FANCL: variants seen among roughly 807,000 people sequenced by gnomAD.
FANCL encodes E3 ubiquitin-protein ligase FANCL.
Under a neutral mutation model 59.4 loss-of-function variants are expected in FANCL, and 69 were observed. The observed-to-expected ratio is 1.16, with a 90% CI of 0.96 to 1.42. The LOEUF is 1.42. Among genes scored for constraint, FANCL ranks in the 40% most tolerant of loss-of-function variants. The probability of loss-of-function intolerance (pLI) is 0.00; values close to 1 mark genes in which losing one functional copy is unlikely to be tolerated. For missense variants in FANCL, 519 were observed against 447.2 expected, an observed-to-expected ratio of 1.16 and a Z score of -1.45; for synonymous variants, 180 against 147.1, an observed-to-expected ratio of 1.22 and a Z score of -1.62.
At chr2:58,237,676 GA>G (rs1171644376) in intron 1 of FANCL, among the ~76,000 whole-genome samples, 1 of 151,950 alleles carries the variant, frequency 6.6e-6, no homozygotes, top group African/African-American at 2.4e-5. Flanking sequence ...TGTATCGGGG[GA>G]AAAAATGAGA....
At chr2:58,192,289 T>C (rs557045697) in intron 7 of FANCL, among the ~76,000 whole-genome samples, 7 of 152,030 alleles carry the variant, frequency 4.6e-5, no homozygotes, top group South Asian at 2.1e-4. Context: ...ACTGAAACTA[T>C]AGCGATATAA....
intron 7 of FANCL, among the ~76,000 whole-genome samples, chr2:58,169,123 G>A (rs549372745): frequency 6.6e-6 from 1 of 152,286 alleles, no homozygotes; most frequent in African/African-American, 2.4e-5. Context: ...GCCTCCTCAA[G>A]CAGGGGTCAA....
At chr2:58,239,692 C>T (rs1232105342) in intron 1 of FANCL, among the ~76,000 whole-genome samples, 1 of 152,212 alleles carries the variant, frequency 6.6e-6, no homozygotes, top group East Asian at 1.9e-4. Flanking sequence ...GAAATGTATG[C>T]TCAAGTATTT....
chr2:58,217,668 C>G (rs1691987215), intron 5 of FANCL, among the ~76,000 whole-genome samples: 1 of 151,486 alleles, frequency 6.6e-6, no homozygotes, highest in Non-Finnish European at 1.5e-5. Context: ...CTGTATGTAC[C>G]CAATAACATG....
chr2:58,198,578 C>T lies in FANCL; in HGVS notation c.540+16G>A. 1 of 1,605,682 alleles carries T rather than the reference C, an allele frequency of 6.2e-7. No homozygotes were observed. Among genetic ancestry groups the T allele is most frequent in the Non-Finnish European group, 8.5e-7 (1 of 1,172,744 alleles). On this transcript the variant is annotated intron_variant, in intron 7 of 13. Coordinates refer to ENST00000233741, the MANE Select transcript of FANCL (RefSeq NM_018062.4). The stretch of plus-strand genomic sequence containing the variant: ...TACTTAAAACAAATTTAAGAATTTA[C>T]CTGAGGAGAATTTACCTGAGGTGTC...
intron 7 of FANCL, among the ~76,000 whole-genome samples, chr2:58,198,052 T>C (rs1463541936): frequency 1.3e-5 from 2 of 151,934 alleles, no homozygotes; most frequent in Non-Finnish European, 2.9e-5. Context: ...TGTGCGTGTG[T>C]GTGTGTGTAT....
At chr2:58,174,044 C>G (rs1266813741) in intron 7 of FANCL, among the ~76,000 whole-genome samples, 1 of 151,972 alleles carries the variant, frequency 6.6e-6, no homozygotes, top group Non-Finnish European at 1.5e-5. Flanking sequence ...CAAAGAAGGC[C>G]ATTACATAAT....
At chr2:58,192,471 C>G (rs974078494) in intron 7 of FANCL, among the ~76,000 whole-genome samples, 1 of 151,820 alleles carries the variant, frequency 6.6e-6, no homozygotes, top group Non-Finnish European at 1.5e-5. Flanking sequence ...AAAGTGACCT[C>G]TAGGAATAAT....
Position 58,162,909 on chromosome 2 carries a change from A to C in FANCL, c.860T>G (p.Val287Gly), listed in dbSNP as rs61757387. 1.4e-5 allele frequency: 23 copies of C among 1,612,884 alleles called. No individual in the cohort carries two copies. The highest frequency in any genetic ancestry group is 1.9e-5 in the Non-Finnish European group (22 of 1,179,208). The change falls in exon 11 of 14, where the codon GTT (valine) becomes GGT (glycine). Residue 287 changes from valine (V) to glycine (G), a missense_variant. Coordinates refer to ENST00000233741, the MANE Select transcript of FANCL (RefSeq NM_018062.4). The stretch of plus-strand genomic sequence containing the variant: ...ACGAGCTGGAAAATCAATTTCTAAA[A>C]CATCTTTCAAATTTTGTAACACACT... ...ENSVLQNLKDVLEIDFPARAI... is the reference protein window; with the variant it reads ...ENSVLQNLKDGLEIDFPARAI...
intron 6 of FANCL, 108 bp downstream of exon 6, chr2:58,204,022 T>C (rs1050229171): frequency 1.2e-6 from 1 of 851,020 alleles, no homozygotes; most frequent in Non-Finnish European, 2.0e-6. Flanking sequence ...TAAAGCATGA[T>C]ATATGTATTT....
At chr2:58,170,118 G>A (rs935761494) in intron 7 of FANCL, among the ~76,000 whole-genome samples, 2 of 152,168 alleles carry the variant, frequency 1.3e-5, no homozygotes, top group African/African-American at 2.4e-5. Flanking sequence ...AGGAAAAAAT[G>A]TTAAGGGCAG....
At chr2:58,181,074 T>C (rs1174029860) in intron 7 of FANCL, among the ~76,000 whole-genome samples, 1 of 152,056 alleles carries the variant, frequency 6.6e-6, no homozygotes, top group Non-Finnish European at 1.5e-5. Context: ...AGTGAAAAGA[T>C]ATATCCATAA....
intron 6 of FANCL, among the ~76,000 whole-genome samples, chr2:58,201,330 CAT>C (rs1448114537): frequency 7.9e-5 from 12 of 151,342 alleles, no homozygotes; most frequent in African/African-American, 2.7e-4. Context: ...TCAAGTAAAA[CAT>C]AGTTCTCCAA....
At chr2:58,169,097 T>C (rs1386608707) in intron 7 of FANCL, among the ~76,000 whole-genome samples, 1 of 152,170 alleles carries the variant, frequency 6.6e-6, no homozygotes, top group Non-Finnish European at 1.5e-5. Flanking sequence ...ACTCGAGCTC[T>C]GCTAAGGGAC....
chr2:58,176,477 A>C (rs1687329693), intron 7 of FANCL, among the ~76,000 whole-genome samples: 1 of 152,106 alleles, frequency 6.6e-6, no homozygotes, highest in African/African-American at 2.4e-5. Flanking sequence ...ATAACGCCGC[A>C]TATCTACAAC....
At chr2:58,224,078 T>C (rs1015449609) in intron 4 of FANCL, among the ~76,000 whole-genome samples, 19 of 151,830 alleles carry the variant, frequency 1.3e-4, no homozygotes, top group African/African-American at 4.3e-4. Context: ...ATATACTAAA[T>C]AGATATTGTA....
chr2:58,163,301 A>G, intron 9 of FANCL, 133 bp downstream of exon 9: 3 of 771,858 alleles, frequency 3.9e-6, no homozygotes, highest in Non-Finnish European at 6.6e-6. Context: ...ATACTGGGCA[A>G]CAAGAGCAAA....
At chr2:58,233,090 CT>C (rs1425790481) in intron 1 of FANCL, among the ~76,000 whole-genome samples, 1 of 151,984 alleles carries the variant, frequency 6.6e-6, no homozygotes, top group Non-Finnish European at 1.5e-5. Flanking sequence ...ACAAAATGTA[CT>C]ACTGACCTTT....
intron 7 of FANCL, among the ~76,000 whole-genome samples, chr2:58,192,241 T>C (rs1051130807): frequency 1.3e-5 from 2 of 151,944 alleles, no homozygotes; most frequent in Admixed American, 6.6e-5. Flanking sequence ...TCAAATCTTC[T>C]ACAAAGCTTA....
Sources: allele counts gnomAD v4.1 joint callset (sites outside exome capture counted in the v4.1 genomes callset), GRCh38; gene constraint gnomAD v4.1.1; transcripts MANE v1.5; gene names NCBI Gene and HGNC (gene_info 2026-07-23, HGNC 2026-07-21).